Variants in SERPINA1 observed in about 807,000 individuals in gnomAD.
SERPINA1 encodes the protein serpin family A member 1.
SERPINA1 carries 21 observed loss-of-function variants against 25.4 expected under a neutral mutation model. The ratio of observed to expected loss-of-function variants is 0.83; its 90% CI spans 0.59 to 1.19. The LOEUF (loss-of-function observed/expected upper bound fraction) is 1.19, where lower values mean the gene tolerates loss of function less well. SERPINA1 is among the 50% of genes most tolerant of loss of function. The probability of loss-of-function intolerance (pLI) is 0.00; values close to 1 mark genes in which losing one functional copy is unlikely to be tolerated. For missense variants in SERPINA1, 546 were observed against 509.0 expected, an observed-to-expected ratio of 1.07 and a Z score of -0.70; for synonymous variants, 218 against 211.1, an observed-to-expected ratio of 1.03 and a Z score of -0.29.
At chr14:94,390,484 A>G (rs958315103), upstream of SERPINA1, 2 of 152,372 alleles carry the variant, frequency 1.3e-5, no homozygotes, top group African/African-American at 4.8e-5. Flanking sequence ...AGCTCTCCTC[A>G]AGCTCTGTCT....
Position 94,379,611 on chromosome 14 carries a change from C to A in SERPINA1, c.918G>T (p.Arg306Ser), listed in dbSNP as rs759132932. The change falls in exon 4 of 5, where the codon AGG (arginine) becomes AGT (serine). Residue 306 changes from arginine to serine, a missense_variant and splice_region_variant. Physicochemically the swap from Arg to Ser is moderately radical, Grantham distance 110. Coordinates refer to ENST00000393087, the MANE Select transcript of SERPINA1 (RefSeq NM_000295.5). The part of the protein sequence containing the change: ...ITKFLENEDR[R>S]SASLHLPKLS... The stretch of plus-strand genomic sequence containing the variant: ...GTTTGGGTAAATGTAAGCTGGCAGA[C>A]CTGTCGTGCAGAAAAGAAATTCAAG... 3.7e-6 allele frequency: 6 copies of A among 1,614,180 alleles called. No individual in the cohort carries two copies. Among genetic ancestry groups the A allele is most frequent in the Non-Finnish European group, 5.1e-6 (6 of 1,180,040 alleles).
At chr14:94,381,429 A>C (rs1896908201) in intron 2 of SERPINA1, among the ~76,000 whole-genome samples, 2 of 152,176 alleles carry the variant, frequency 1.3e-5, no homozygotes, top group Admixed American at 1.3e-4. Context: ...TTTTATTGGA[A>C]TCATATGTTT....
chr14:94,383,115 A>G lies in SERPINA1; in HGVS notation c.123T>C (p.Asp41=). 6 of 1,614,190 alleles carry G rather than the reference A, an allele frequency of 3.7e-6. No individual in the cohort carries two copies. The highest frequency in any genetic ancestry group is 5.1e-6 in the Non-Finnish European group (6 of 1,180,038). The change falls in exon 2 of 5, where the codon GAT becomes GAC. Residue 41 remains aspartate (D), a synonymous_variant. Transcript: ENST00000393087. ...TCTTGTTGAAGGTTGGGTGATCCTG[A>G]TCATGGTGGGATGTATCTGTCTTCT... ...AAQKTDTSHH[D]QDHPTFNKIT... is the part of the protein sequence containing the mutation.
At chr14:94,380,714 G>A in intron 3 of SERPINA1, 157 bp downstream of exon 3, 1 of 885,332 alleles carries the variant, frequency 1.1e-6, no homozygotes, top group East Asian at 2.4e-5. Context: ...ACTCAGTGGT[G>A]GCCTCATTCT....
Position 94,378,605 on chromosome 14 carries a change from T to C in SERPINA1, c.1101A>G (p.Lys367=). The change falls in exon 5 of 5, where the codon AAA becomes AAG. Residue 367 remains lysine, a synonymous_variant. Coordinates refer to ENST00000393087, the MANE Select transcript of SERPINA1 (RefSeq NM_000295.5). ...VHKAVLTIDE[K]GTEAAGAMFL... The stretch of plus-strand genomic sequence containing the variant: ...ACATGGCCCCAGCAGCTTCAGTCCC[T>C]TTCTCGTCGATGGTCAGCACAGCCT... 4 of 1,614,174 alleles carry C rather than the reference T, an allele frequency of 2.5e-6. No homozygotes were observed. The highest frequency in any genetic ancestry group is 3.4e-6 in the Non-Finnish European group (4 of 1,180,028).
intron 4 of SERPINA1, 111 bp from the exon 5 acceptor site, chr14:94,378,751 T>A (rs960761418): frequency 6.1e-6 from 7 of 1,154,782 alleles, no homozygotes; most frequent in Non-Finnish European, 8.9e-6. Context: ...GCCCTGGCCC[T>A]GCACATCCTC....
At chr14:94,385,708 C>A (rs549131676) in intron 1 of SERPINA1, among the ~76,000 whole-genome samples, 10 of 152,298 alleles carry the variant, frequency 6.6e-5, no homozygotes, top group African/African-American at 2.2e-4. Flanking sequence ...GAGACAGGTG[C>A]CCTCCTAGAC....
At chr14:94,379,795 A>G (rs1436822529) in intron 3 of SERPINA1, among the ~76,000 whole-genome samples, 184 bp from the exon 4 acceptor site, 1 of 129,376 alleles carries the variant, frequency 7.7e-6, no homozygotes, top group African/African-American at 2.7e-5. Context: ...CATTGAGTCA[A>G]AGAATGTTAA....
Position 94,382,741 on chromosome 14 carries a change from G to C in SERPINA1, c.497C>G (p.Ala166Gly), listed in dbSNP as rs142942004. ...EDVKKLYHSE[A>G]FTVNFGDTEE... ...GGTGTCCCCGAAGTTGACAGTGAAG[G>C]CTTCTGAGTGGTACAACTTTTTAAC... The change falls in exon 2 of 5, where the codon GCC becomes GGC. Residue 166 changes from alanine to glycine, a missense_variant. Ala to Gly is a moderately conservative substitution (Grantham distance 60). Coordinates refer to ENST00000393087, the MANE Select transcript of SERPINA1 (RefSeq NM_000295.5). The C allele has an allele frequency of 6.2e-7, 1 of 1,614,134 alleles. No individual in the cohort carries two copies. Among genetic ancestry groups the C allele is most frequent in the Non-Finnish European group, 8.5e-7 (1 of 1,180,056 alleles).
rs775786225 is a variant in SERPINA1 at position 94,388,559 on chromosome 14, C to T, written c.-5+1G>A. 2.0e-5 allele frequency: 3 copies of T among 152,300 alleles called. No individual in the cohort carries two copies. The highest frequency in any genetic ancestry group is 6.5e-5 in the Admixed American group (1 of 15,286). 9.4% of individuals were successfully genotyped at this position (152,300 alleles called of 1,614,324 possible). Reference sequence around the variant, plus strand: ...CCTCTCGCAGTGAAAGGCATACTTACGATTCACTGTCCCAGGTCAGTGGTG... The same window carrying T: ...CCTCTCGCAGTGAAAGGCATACTTATGATTCACTGTCCCAGGTCAGTGGTG... On this transcript the variant is annotated splice_donor_variant, in intron 1 of 4. Coordinates refer to ENST00000393087, the MANE Select transcript of SERPINA1 (RefSeq NM_000295.5). LOFTEE classifies it low-confidence loss of function (5UTR_SPLICE).
chr14:94,385,140 T>C (rs1897206708), intron 1 of SERPINA1, among the ~76,000 whole-genome samples: 1 of 152,212 alleles, frequency 6.6e-6, no homozygotes, highest in Non-Finnish European at 1.5e-5. Context: ...GTTGGGCCTC[T>C]GCAGGGTGGG....
chr14:94,381,763 C>G (rs929017130), intron 2 of SERPINA1, among the ~76,000 whole-genome samples: 10 of 152,184 alleles, frequency 6.6e-5, no homozygotes, highest in African/African-American at 2.4e-4. Flanking sequence ...GACCTGGGCC[C>G]CCACTAAGGC....
upstream of SERPINA1, among the ~76,000 whole-genome samples, chr14:94,389,239 T>G (rs116833149): frequency 0.01 from 1,574 of 152,332 alleles, 32 homozygotes; most frequent in African/African-American, 0.036. Flanking sequence ...AGAGCTGTGC[T>G]GCCTCAGGCA....
chr14:94,384,588 C>T (rs1897171587), intron 1 of SERPINA1, among the ~76,000 whole-genome samples: 1 of 152,170 alleles, frequency 6.6e-6, no homozygotes, highest in Non-Finnish European at 1.5e-5. Flanking sequence ...TATGCCCAGG[C>T]TTCGGACCAC....
rs1185251578 is a variant in SERPINA1 at position 94,388,294 on chromosome 14, C to CAA, written c.-5+265_-5+266insTT. Among the ~76,000 whole-genome samples the CAA allele has an allele frequency of 2.6e-5, 4 of 152,176 alleles. No homozygotes were observed. The South Asian group carries it at 6.2e-4, about 24-fold the overall frequency. Reference sequence around the variant, plus strand: ...TGCCAGGACTGCAGACCTAGACACCCTCATCCACTTCTGCTTACAGGAACC... The same window carrying CAA: ...TGCCAGGACTGCAGACCTAGACACCCAATCATCCACTTCTGCTTACAGGAACC... On this transcript the variant is annotated intron_variant, in intron 1 of 4. Transcript: ENST00000393087.
At position 94,378,369 on chromosome 14, in the gene SERPINA1, G is replaced by A. The variant is rs1243163; in HGVS notation, c.*80C>T. ...AGGGATTTACAGTCACATGCAGGCAGGGACCAGCTCAACCCTTCTTTAATG... is the reference window on the plus strand; with the variant it reads ...AGGGATTTACAGTCACATGCAGGCAAGGACCAGCTCAACCCTTCTTTAATG... On this transcript the variant is annotated 3_prime_UTR_variant, in exon 5 of 5. Coordinates refer to ENST00000393087, the MANE Select transcript of SERPINA1 (RefSeq NM_000295.5). 0.038 allele frequency: 46,939 copies of A among 1,226,006 alleles called. 1,235 individuals are homozygous for A. The highest frequency in any genetic ancestry group is 0.045 in the Non-Finnish European group (37,564 of 829,416). 75.9% of individuals were successfully genotyped at this position (1,226,006 alleles called of 1,614,324 possible).
rs1490549081 is a variant in SERPINA1 at position 94,377,182 on chromosome 14, T to C, written c.*1267A>G. On this transcript the variant is annotated 3_prime_UTR_variant, in exon 5 of 5. Transcript: ENST00000393087. ...GTACACATTCATGACAGTGAGTGGT[T>C]AGACAGTGATTCCTAGATTAGTTTG... is the stretch of plus-strand genomic sequence containing the variant. 3 of 152,262 alleles carry C rather than the reference T, an allele frequency of 2.0e-5. No homozygotes were observed. The highest frequency in any genetic ancestry group is 7.2e-5 in the African/African-American group (3 of 41,464). The allele number at this position is 152,262 out of a possible 1,614,324, so 9.4% of individuals were successfully genotyped here.
At chr14:94,383,334 G>A in intron 1 of SERPINA1, 93 bp from the exon 2 acceptor site, 3 of 1,399,968 alleles carry the variant, frequency 2.1e-6, no homozygotes, top group Non-Finnish European at 2.9e-6. Flanking sequence ...AGTGCCTAGG[G>A]ATTATTAAAC....
At chr14:94,380,825 A>G in intron 3 of SERPINA1, 46 bp downstream of exon 3, 1 of 1,613,526 alleles carries the variant, frequency 6.2e-7, no homozygotes, top group Non-Finnish European at 8.5e-7. Flanking sequence ...CAACATGGCT[A>G]AGAGGTGTGG....
Sources: gnomAD v4.1 joint callset for allele counts (sites outside exome capture counted in the v4.1 genomes callset) on GRCh38, gnomAD v4.1.1 for gene constraint, MANE v1.5 for transcripts, NCBI Gene and HGNC (gene_info 2026-07-23, HGNC 2026-07-21) for gene names.